The following NCKAP5 variants were observed in gnomAD, a reference collection of about 807,000 sequenced individuals.
The protein encoded by NCKAP5 is nck-associated protein 5.
Under a neutral mutation model 167.0 loss-of-function variants are expected in NCKAP5, and 92 were observed. The ratio of observed to expected loss-of-function variants is 0.55; its 90% CI spans 0.47 to 0.66. The LOEUF (loss-of-function observed/expected upper bound fraction) is 0.66. Among genes scored for constraint, NCKAP5 ranks in the 30% least tolerant of loss-of-function variants. The pLI is 0.00. For missense variants in NCKAP5, 2,378 were observed against 2,315.0 expected (o/e 1.03, Z -0.56); for synonymous variants, 891 against 877.4 (o/e 1.02, Z -0.27).
At position 133,167,349 on chromosome 2, in the gene NCKAP5, C is replaced by T. The variant is rs182093328; in HGVS notation, c.208-37238G>A. Among the ~76,000 whole-genome samples the T allele has an allele frequency of 7.2e-5, 11 of 152,222 alleles. No individual in the cohort carries two copies. The East Asian group carries it at 1.9e-3, about 27-fold the overall frequency. On this transcript the variant is annotated intron_variant, in intron 5 of 19. Coordinates refer to ENST00000409261, the MANE Select transcript of NCKAP5 (RefSeq NM_207363.3). ...ATCATTGAAGTAAATAATATCCTTG[C>T]CATCATTAAGAATAATCCCAGTGTA...
chr2:133,525,433 C>T (rs570404877), intron 2 of NCKAP5, among the ~76,000 whole-genome samples: 2 of 152,288 alleles, frequency 1.3e-5, no homozygotes, highest in South Asian at 4.1e-4. Flanking sequence ...ATGGCCAACA[C>T]AGAGAACTCA....
chr2:133,047,494 T>G (rs13005713), intron 6 of NCKAP5, among the ~76,000 whole-genome samples: 55 of 152,378 alleles, frequency 3.6e-4, no homozygotes, highest in Non-Finnish European at 6.8e-4. Flanking sequence ...AAGGTATTTG[T>G]TCCTCTGGCT....
chr2:133,475,384 G>A lies in NCKAP5; in HGVS notation c.69+42074C>T, dbSNP rs182746767. On this transcript the variant is annotated intron_variant, in intron 3 of 19. Transcript: ENST00000409261. ...CTGTCCTTTCTGTTCTTAAGGTACT[G>A]TGTTAAAATTTATATAAAAGCATGT... Among the ~76,000 whole-genome samples, 266 of 152,294 alleles carry A rather than the reference G, an allele frequency of 1.7e-3. 1 individual carries two copies. Among genetic ancestry groups the A allele is most frequent in the African/African-American group, 6.0e-3 (249 of 41,562 alleles).
chr2:133,549,218 G>A (rs1687046915), intron 2 of NCKAP5, among the ~76,000 whole-genome samples: 2 of 151,834 alleles, frequency 1.3e-5, no homozygotes, highest in Admixed American at 6.6e-5. Context: ...GGAGCACCCA[G>A]GTTCATAAAG....
intron 3 of NCKAP5, among the ~76,000 whole-genome samples, chr2:133,398,930 G>A (rs1019189840): frequency 6.6e-6 from 1 of 152,196 alleles, no homozygotes; most frequent in Non-Finnish European, 1.5e-5. Context: ...AATGCTAGGG[G>A]AAGTTTATAA....
At chr2:133,464,835 A>T (rs1411409045) in intron 3 of NCKAP5, among the ~76,000 whole-genome samples, 2 of 152,036 alleles carry the variant, frequency 1.3e-5, no homozygotes, top group African/African-American at 4.8e-5. Context: ...ACTTCAACTT[A>T]AGAAGAGAAC....
At chr2:133,161,273 T>C (rs2083784855) in intron 5 of NCKAP5, among the ~76,000 whole-genome samples, 1 of 152,086 alleles carries the variant, frequency 6.6e-6, no homozygotes, top group Non-Finnish European at 1.5e-5. Context: ...TTGGAGACCG[T>C]TCCTCTATGA....
At position 133,485,464 on chromosome 2, in the gene NCKAP5, G is replaced by A. The variant is rs75744300; in HGVS notation, c.69+31994C>T. On this transcript the variant is annotated intron_variant, in intron 3 of 19. Transcript: ENST00000409261. The stretch of plus-strand genomic sequence containing the variant: ...TATGAGGAAGTGTCCAAGTTTGCTG[G>A]CAGAACTATATATCTTCCAAGAAAA... 6.2e-3 allele frequency among the ~76,000 whole-genome samples: 951 copies of A among 152,206 alleles called. 14 individuals carry two copies. Among genetic ancestry groups the A allele is most frequent in the African/African-American group, 0.022 (917 of 41,512 alleles).
chr2:133,471,754 C>T (rs1372732605), intron 3 of NCKAP5, among the ~76,000 whole-genome samples: 2 of 152,130 alleles, frequency 1.3e-5, no homozygotes, highest in African/African-American at 4.8e-5. Context: ...TCAGCCACTA[C>T]TCCTCTCCCC....
At chr2:133,011,550 C>A (rs879406183) in intron 6 of NCKAP5, among the ~76,000 whole-genome samples, 2 of 152,238 alleles carry the variant, frequency 1.3e-5, no homozygotes, top group African/African-American at 2.4e-5. Flanking sequence ...AATGATATTG[C>A]AGGTTTTCTG....
intron 2 of NCKAP5, among the ~76,000 whole-genome samples, chr2:133,534,130 T>G (rs11684341): frequency 6.6e-6 from 1 of 152,194 alleles, no homozygotes; most frequent in Non-Finnish European, 1.5e-5. Flanking sequence ...AAATATAAGG[T>G]GTGTATTTTT....
chr2:132,717,832 G>A (rs1381005658), intron 19 of NCKAP5, among the ~76,000 whole-genome samples: 2 of 152,180 alleles, frequency 1.3e-5, no homozygotes, highest in Non-Finnish European at 2.9e-5. Context: ...CAAGCGGCTG[G>A]GGGACGCCAG....
intron 3 of NCKAP5, among the ~76,000 whole-genome samples, chr2:133,464,397 A>T (rs545233686): frequency 1.3e-5 from 2 of 151,718 alleles, no homozygotes; most frequent in African/African-American, 4.8e-5. Context: ...AAATGAATAA[A>T]TAAAATAAAT....
chr2:133,058,003 T>A (rs1216980281), intron 6 of NCKAP5, among the ~76,000 whole-genome samples: 1 of 152,192 alleles, frequency 6.6e-6, no homozygotes, highest in East Asian at 1.9e-4. Flanking sequence ...CTTTAAGAAT[T>A]AAGCTAAATC....
At chr2:132,999,414 T>C (rs575550518) in intron 6 of NCKAP5, among the ~76,000 whole-genome samples, 11 of 152,340 alleles carry the variant, frequency 7.2e-5, no homozygotes, top group African/African-American at 2.4e-4. Flanking sequence ...ACCACCTTTG[T>C]CATTGACCTC....
chr2:132,798,808 A>G (rs1235025776), intron 11 of NCKAP5, among the ~76,000 whole-genome samples: 2 of 152,174 alleles, frequency 1.3e-5, no homozygotes, highest in Non-Finnish European at 2.9e-5. Context: ...CAGGAATGTA[A>G]CTGAACCTCT....
chr2:133,157,572 G>A (rs2149918311), intron 5 of NCKAP5, among the ~76,000 whole-genome samples: 1 of 152,234 alleles, frequency 6.6e-6, no homozygotes, highest in East Asian at 1.9e-4. Flanking sequence ...TTGTTTCTAA[G>A]GAGTATTTTT....
intron 16 of NCKAP5, 55 bp downstream of exon 16, chr2:132,773,761 A>C (rs1208904831): frequency 5.2e-6 from 7 of 1,351,392 alleles, no homozygotes; most frequent in African/African-American, 1.5e-5. Flanking sequence ...ATCTGGAAGA[A>C]GGATACATTT....
chr2:132,789,838 T>C (rs1405397497), intron 13 of NCKAP5, among the ~76,000 whole-genome samples, 185 bp downstream of exon 13: 1 of 152,122 alleles, frequency 6.6e-6, no homozygotes, highest in Admixed American at 6.6e-5. Context: ...TGCCCTCCAA[T>C]TTATAGTCAA....
Sources: gnomAD v4.1 joint callset for allele counts (sites outside exome capture counted in the v4.1 genomes callset) on GRCh38, gnomAD v4.1.1 for gene constraint, MANE v1.5 for transcripts, NCBI Gene and HGNC (gene_info 2026-07-23, HGNC 2026-07-21) for gene names.